Variants in PPIP5K1 observed in about 807,000 individuals in gnomAD.
PPIP5K1 encodes inositol hexakisphosphate and diphosphoinositol-pentakisphosphate kinase 1.
Under a neutral mutation model 27.7 loss-of-function variants are expected in PPIP5K1, and 6 were observed. The observed-to-expected ratio is 0.22, with a 90% CI of 0.12 to 0.43. The LOEUF (loss-of-function observed/expected upper bound fraction) is 0.43, where lower values mean the gene tolerates loss of function less well. PPIP5K1 is among the 20% of genes least tolerant of loss of function. The probability of loss-of-function intolerance (pLI) is 1.00; values close to 1 mark genes in which losing one functional copy is unlikely to be tolerated. For synonymous variants in PPIP5K1, 145 were observed against 242.6 expected (o/e 0.60, Z 3.74); for missense variants, 394 against 635.4 (o/e 0.62, Z 4.08).
chr15:43,559,500 GA>G (rs1227437239), intron 29 of PPIP5K1, among the ~76,000 whole-genome samples: 1 of 152,182 alleles, frequency 6.6e-6, no homozygotes, highest in Non-Finnish European at 1.5e-5. Flanking sequence ...CTCAGCCCAG[GA>G]AAACCACATG....
chr15:43,535,571 C>A, intron 31 of PPIP5K1, 95 bp from the exon 32 acceptor site: 3 of 1,013,942 alleles, frequency 3.0e-6, no homozygotes, highest in Non-Finnish European at 4.3e-6. Flanking sequence ...TTGGCCTATG[C>A]TACTTATGTC....
chr15:43,538,713 C>T (rs1209434659), intron 31 of PPIP5K1, among the ~76,000 whole-genome samples: 4 of 152,000 alleles, frequency 2.6e-5, no homozygotes, highest in East Asian at 2.0e-4. Flanking sequence ...GGGGTTTCAC[C>T]GTGTTAGCCA....
chr15:43,548,936 G>A (rs1280034164), intron 30 of PPIP5K1, among the ~76,000 whole-genome samples: 1 of 146,436 alleles, frequency 6.8e-6, no homozygotes, highest in African/African-American at 2.5e-5. Context: ...GCTGAGACAG[G>A]AGAATCGCTT....
chr15:43,542,270 G>A (rs1285712558), intron 30 of PPIP5K1, among the ~76,000 whole-genome samples: 23 of 143,792 alleles, frequency 1.6e-4, no homozygotes, highest in African/African-American at 2.9e-4. Flanking sequence ...TGCTGGATGA[G>A]TATTAATTTG....
At chr15:43,547,772 T>C (rs1020790604) in intron 30 of PPIP5K1, among the ~76,000 whole-genome samples, 1 of 152,218 alleles carries the variant, frequency 6.6e-6, no homozygotes, top group African/African-American at 2.4e-5. Flanking sequence ...ATTTGGAAAT[T>C]AGGAAGTTTG....
chr15:43,544,486 G>A (rs2081132654), intron 30 of PPIP5K1, among the ~76,000 whole-genome samples: 1 of 152,118 alleles, frequency 6.6e-6, no homozygotes, highest in Non-Finnish European at 1.5e-5. Context: ...ATGTCCCAAT[G>A]AATAACTGTA....
intron 30 of PPIP5K1, among the ~76,000 whole-genome samples, chr15:43,552,712 A>C (rs966224776): frequency 1.1e-4 from 16 of 151,336 alleles, no homozygotes; most frequent in South Asian, 4.2e-4. Flanking sequence ...AAAAAAACAA[A>C]AAAAAAAAGT....
In PPIP5K1 at chr15:43,539,550, G is replaced by A; in HGVS notation, c.3590C>T (p.Ser1197Leu). ...ACGTGGTGGAGAAAATGGGTTATCTGAGGCCTGGCTGCTGTGCATGGAATC... is the reference window on the plus strand; with the variant it reads ...ACGTGGTGGAGAAAATGGGTTATCTAAGGCCTGGCTGCTGTGCATGGAATC... Reference protein sequence around the residue: ...LFDSMHSSQASDNPFSPPRTL... With the variant: ...LFDSMHSSQALDNPFSPPRTL... Residue 1197 changes from serine to leucine, a missense_variant, in exon 31 of 32, where the codon TCA (serine) becomes TTA (leucine). This residue lies in a region of PPIP5K1 where 379 missense variants were observed against 423.9 expected (regional missense o/e 0.89). Transcript: ENST00000420765. The A allele has an allele frequency of 6.2e-7, 1 of 1,608,796 alleles. No individual in the cohort carries two copies. Among genetic ancestry groups the A allele is most frequent in the Non-Finnish European group, 8.5e-7 (1 of 1,176,804 alleles).
intron 31 of PPIP5K1, among the ~76,000 whole-genome samples, chr15:43,537,706 A>AAG (rs1156583027): frequency 2.0e-3 from 249 of 126,712 alleles, no homozygotes; most frequent in East Asian, 2.9e-3. Flanking sequence ...AAAAAAAAAA[A>AAG]AGAGAGAGAG....
Position 43,560,433 on chromosome 15 carries a change from T to C in PPIP5K1, c.3398A>G (p.Asp1133Gly), listed in dbSNP as rs760751002. Reference protein sequence around the residue: ...LFRNWLRSGQDDPECLYGFEG... With the variant: ...LFRNWLRSGQGDPECLYGFEG... ...GGTACCGTAGAGGCACTCGGGGTCA[T>C]CCTGGCCTGAGCGCAGCCAGTTCCG... is the stretch of plus-strand genomic sequence containing the variant. Residue 1133 changes from aspartate to glycine, a missense_variant, in exon 29 of 32, where the codon GAT becomes GGT. Coordinates refer to ENST00000420765, the MANE Select transcript of PPIP5K1 (RefSeq NM_001394395.1). 7.7e-6 allele frequency: 10 copies of C among 1,302,024 alleles called. No individual in the cohort carries two copies. In the South Asian group the frequency reaches 1.2e-4, roughly 16 times the overall value. 80.7% of individuals were successfully genotyped at this position (1,302,024 alleles called of 1,614,324 possible). A position where few individuals can be genotyped will look rare whatever the true frequency, so the allele number is the denominator to read the frequency against.
chr15:43,542,646 C>CAG (rs1555423132), intron 30 of PPIP5K1, among the ~76,000 whole-genome samples: 3 of 95,658 alleles, frequency 3.1e-5, no homozygotes, highest in Non-Finnish European at 5.3e-5. Context: ...TATATATATT[C>CAG]AGTGTGTGTG....
At chr15:43,565,546 C>T (rs529841114) in intron 26 of PPIP5K1, among the ~76,000 whole-genome samples, 1 of 147,028 alleles carries the variant, frequency 6.8e-6, no homozygotes, top group Admixed American at 6.7e-5. Flanking sequence ...AAGTATGAGG[C>T]TCACAATTTT....
chr15:43,554,794 G>A (rs915141557), intron 30 of PPIP5K1, among the ~76,000 whole-genome samples: 4 of 151,622 alleles, frequency 2.6e-5, no homozygotes, highest in Non-Finnish European at 1.5e-5. Context: ...AATTATAATT[G>A]ATATTATAAT....
At position 43,560,608 on chromosome 15, in the gene PPIP5K1, AG is replaced by A. The variant is rs1241999248; in HGVS notation, c.3236-14del. On this transcript the variant is annotated splice_polypyrimidine_tract_variant and intron_variant, in intron 28 of 31. Transcript: ENST00000420765. ...TCATCCAGCAGCTCTGGACGGGGTG[AG>A]GGGACCACGGCAGGAAGCACAAAGA... The A allele has an allele frequency of 4.6e-6, 3 of 647,778 alleles. No homozygotes were observed. The highest frequency in any genetic ancestry group is 7.3e-6 in the Non-Finnish European group (3 of 409,826). The allele number at this position is 647,778 out of a possible 1,614,324, so 40.1% of individuals were successfully genotyped here. A position where few individuals can be genotyped will look rare whatever the true frequency, so the allele number is the denominator to read the frequency against.
At chr15:43,554,936 A>T (rs2082736775) in intron 30 of PPIP5K1, among the ~76,000 whole-genome samples, 1 of 152,054 alleles carries the variant, frequency 6.6e-6, no homozygotes, top group African/African-American at 2.4e-5. Flanking sequence ...CCCAAGTTCA[A>T]GCAATTCTCC....
intron 30 of PPIP5K1, among the ~76,000 whole-genome samples, chr15:43,540,921 T>G (rs1333946351): frequency 6.7e-6 from 1 of 148,618 alleles, no homozygotes; most frequent in Non-Finnish European, 1.5e-5. Context: ...TTTTCCAACA[T>G]AGCCAAACAC....
chr15:43,546,145 T>A (rs1187201241), intron 30 of PPIP5K1, among the ~76,000 whole-genome samples: 1 of 152,224 alleles, frequency 6.6e-6, no homozygotes, highest in Non-Finnish European at 1.5e-5. Flanking sequence ...AATATGTGAC[T>A]TTTTGTGTTT....
intron 31 of PPIP5K1, among the ~76,000 whole-genome samples, chr15:43,535,864 C>T (rs1275076867): frequency 6.6e-6 from 1 of 152,128 alleles, no homozygotes; most frequent in African/African-American, 2.4e-5. Context: ...TTTTAAAATA[C>T]TAATTTCCAG....
At chr15:43,542,120 C>T (rs2255042) in intron 30 of PPIP5K1, among the ~76,000 whole-genome samples, 41,968 of 152,072 alleles carry the variant, frequency 0.28, 10,000 homozygotes, top group African/African-American at 0.64. Flanking sequence ...CTGGCATATT[C>T]TCTGTAAAGA....
Sources: gnomAD v4.1 joint callset for allele counts (sites outside exome capture counted in the v4.1 genomes callset) on GRCh38, gnomAD v4.1.1 for gene constraint, gnomAD v4.1.1 regional missense constraint, MANE v1.5 for transcripts, NCBI Gene and HGNC (gene_info 2026-07-23, HGNC 2026-07-21) for gene names.